Variants in SLC38A6 observed in about 807,000 individuals in gnomAD.
The protein encoded by SLC38A6 is solute carrier family 38 member 6, also known as N system amino acid transporter NAT-1.
Under a neutral mutation model 65.0 loss-of-function variants are expected in SLC38A6, and 73 were observed. The ratio of observed to expected loss-of-function variants is 1.12; its 90% CI spans 0.93 to 1.37. SLC38A6 has a LOEUF of 1.37. Among genes scored for constraint, SLC38A6 ranks in the 40% most tolerant of loss-of-function variants. The probability of loss-of-function intolerance (pLI) is 0.00; values close to 1 mark genes in which losing one functional copy is unlikely to be tolerated. For synonymous variants in SLC38A6, 183 were observed against 178.8 expected, an observed-to-expected ratio of 1.02 and a Z score of -0.19; for missense variants, 561 against 531.1, an observed-to-expected ratio of 1.06 and a Z score of -0.55.
chr14:60,987,185 T>C (rs895151228), intron 3 of SLC38A6: 11 of 274,410 alleles, frequency 4.0e-5, no homozygotes, highest in African/African-American at 7.1e-5. Flanking sequence ...TTTTTTTTTT[T>C]CAATACATAC....
At position 61,079,214 on chromosome 14, in the gene SLC38A6, G is replaced by A. The variant is rs373522305; in HGVS notation, c.1408+287G>A. Among the ~76,000 whole-genome samples, 29 of 136,442 alleles carry A rather than the reference G, an allele frequency of 2.1e-4. No homozygotes were observed. The Middle Eastern group carries it at 0.027, about 128-fold the overall frequency. The allele number at this position is 136,442 out of a possible 152,430, so 89.5% of individuals were successfully genotyped here. A position where few individuals can be genotyped will look rare whatever the true frequency, so the allele number is the denominator to read the frequency against. On this transcript the variant is annotated intron_variant, in intron 16 of 16. Transcript: ENST00000354886. The stretch of plus-strand genomic sequence containing the variant: ...GTGCAGTGGCGGGTATTGGCTTACT[G>A]CAACCTCTGCCTCCCGGGTTCAAGC...
chr14:61,015,882 A>T, intron 3 of SLC38A6, 22 bp from the exon 4 acceptor site: 1 of 1,592,332 alleles, frequency 6.3e-7, no homozygotes, highest in South Asian at 1.1e-5. Context: ...GTAAAAGTGA[A>T]CATTGTAATT....
At chr14:61,005,734 TATC>T (rs1354619175) in intron 3 of SLC38A6, among the ~76,000 whole-genome samples, 3 of 152,148 alleles carry the variant, frequency 2.0e-5, no homozygotes, top group Non-Finnish European at 2.9e-5. Flanking sequence ...GAAGAATCAA[TATC>T]ATGAAAATCG....
At chr14:61,011,725 A>G (rs1306762325) in intron 3 of SLC38A6, among the ~76,000 whole-genome samples, 1 of 152,196 alleles carries the variant, frequency 6.6e-6, no homozygotes, top group Non-Finnish European at 1.5e-5. Flanking sequence ...CATCCCAGGG[A>G]TGAAGCCGAC....
At chr14:61,003,988 A>T (rs1418000525) in intron 3 of SLC38A6, among the ~76,000 whole-genome samples, 1 of 151,898 alleles carries the variant, frequency 6.6e-6, no homozygotes, top group African/African-American at 2.4e-5. Context: ...TTATAAAACT[A>T]AAAAAAATAG....
chr14:61,030,327 T>C (rs2040893986), intron 5 of SLC38A6, 118 bp from the exon 6 acceptor site: 4 of 642,292 alleles, frequency 6.2e-6, no homozygotes, highest in Admixed American at 5.8e-5. Context: ...GTGTGTTATA[T>C]GTTAATCTTC....
chr14:61,043,175 G>T lies in SLC38A6; in HGVS notation c.653G>T (p.Cys218Phe). 6.5e-7 allele frequency: 1 copy of T among 1,543,772 alleles called. No homozygotes were observed. The highest frequency in any genetic ancestry group is 1.4e-5 in the African/African-American group (1 of 72,478). Reference protein sequence around the residue: ...VVIIKKWSIPCPLTLNYVEKG... With the variant: ...VVIIKKWSIPFPLTLNYVEKG... ...ATAATTAAAAAATGGTCCATCCCTT[G>T]TCCTCTGACATTAAATTATGTAGAG... The change falls in exon 9 of 16, where the codon TGT becomes TTT. Residue 218 changes from cysteine (C) to phenylalanine (F), a missense_variant. Coordinates refer to ENST00000267488, the MANE Select transcript of SLC38A6 (RefSeq NM_153811.3).
intron 16 of SLC38A6, among the ~76,000 whole-genome samples, chr14:61,082,118 C>T (rs1031693796): frequency 4.6e-5 from 7 of 152,086 alleles, no homozygotes; most frequent in African/African-American, 1.7e-4. Context: ...AACACAGTGT[C>T]CCCCAAAGTG....
intron 3 of SLC38A6, among the ~76,000 whole-genome samples, chr14:60,997,960 AAT>A (rs2038413079): frequency 6.6e-6 from 1 of 152,118 alleles, no homozygotes; most frequent in Non-Finnish European, 1.5e-5. Flanking sequence ...TCATTCATTC[AAT>A]ACTCTTGTCT....
At chr14:61,037,008 C>A in intron 6 of SLC38A6, 51 bp from the exon 7 acceptor site, 1 of 512,714 alleles carries the variant, frequency 2.0e-6, no homozygotes, top group Non-Finnish European at 3.3e-6. Context: ...GTGTGTGTGT[C>A]AGAACAAACA....
chr14:61,010,240 G>T (rs2039454268), intron 3 of SLC38A6, among the ~76,000 whole-genome samples: 1 of 152,056 alleles, frequency 6.6e-6, no homozygotes, highest in South Asian at 2.1e-4. Flanking sequence ...TTTTTTTCTT[G>T]TAAATTTGTT....
At chr14:61,009,191 A>G (rs969216868) in intron 3 of SLC38A6, among the ~76,000 whole-genome samples, 9 of 152,186 alleles carry the variant, frequency 5.9e-5, no homozygotes, top group Admixed American at 6.5e-5. Context: ...CATTTAAGCA[A>G]TTTAAAATCT....
chr14:61,006,841 A>T (rs1451103593), intron 3 of SLC38A6, among the ~76,000 whole-genome samples: 2 of 152,318 alleles, frequency 1.3e-5, no homozygotes, highest in East Asian at 3.9e-4. Flanking sequence ...CCAAAGGACT[A>T]TAAATCATGC....
At chr14:60,995,786 A>T (rs1411393188) in intron 3 of SLC38A6, among the ~76,000 whole-genome samples, 1 of 152,208 alleles carries the variant, frequency 6.6e-6, no homozygotes, top group African/African-American at 2.4e-5. Flanking sequence ...TGAAAAGGCT[A>T]CATACTGTAT....
At chr14:61,040,195 C>T (rs944960637) in intron 8 of SLC38A6, among the ~76,000 whole-genome samples, 2 of 151,822 alleles carry the variant, frequency 1.3e-5, no homozygotes, top group Non-Finnish European at 2.9e-5. Context: ...GAGACAGAAT[C>T]TCACTCTCTC....
chr14:61,005,809 C>G (rs2039066368), intron 3 of SLC38A6, among the ~76,000 whole-genome samples: 2 of 152,210 alleles, frequency 1.3e-5, no homozygotes, highest in African/African-American at 4.8e-5. Flanking sequence ...CAATGACTTT[C>G]TTCACAGAGT....
chr14:60,995,965 A>G (rs1290564280), intron 3 of SLC38A6, among the ~76,000 whole-genome samples: 1 of 152,212 alleles, frequency 6.6e-6, no homozygotes, highest in Non-Finnish European at 1.5e-5. Flanking sequence ...GTCATTATAT[A>G]TTTGTCAAAA....
chr14:61,052,231 T>A (rs937053185), intron 15 of SLC38A6, 96 bp downstream of exon 15: 7 of 1,270,528 alleles, frequency 5.5e-6, no homozygotes, highest in Non-Finnish European at 7.5e-6. Flanking sequence ...GTCAATATAT[T>A]TTAAAATATA....
intron 4 of SLC38A6, among the ~76,000 whole-genome samples, chr14:61,016,492 A>G (rs1302483635): frequency 1.3e-5 from 2 of 152,192 alleles, no homozygotes; most frequent in African/African-American, 4.8e-5. Context: ...AGCCAGTACC[A>G]CATCCTAGAA....
Sources: gnomAD v4.1 joint callset for allele counts (sites outside exome capture counted in the v4.1 genomes callset) on GRCh38, gnomAD v4.1.1 for gene constraint, MANE v1.5 for transcripts, NCBI Gene and HGNC (gene_info 2026-07-23, HGNC 2026-07-21) for gene names.